RBM33: variants seen among roughly 807,000 people sequenced by gnomAD.
The protein encoded by RBM33 is RNA binding motif protein 33, also known as RNA-binding protein 33.
Under a neutral mutation model 132.6 loss-of-function variants are expected in RBM33, and 28 were observed. The ratio of observed to expected loss-of-function variants is 0.21; its 90% confidence interval spans 0.16 to 0.29. The LOEUF (loss-of-function observed/expected upper bound fraction) is 0.29. RBM33 is among the 10% of genes least tolerant of loss of function. The pLI is 1.00. For synonymous variants in RBM33, 634 were observed against 593.0 expected (o/e 1.07, Z -1.01); for missense variants, 1,291 against 1,518.5 (o/e 0.85, Z 2.49).
intron 9 of RBM33, among the ~76,000 whole-genome samples, chr7:155,718,865 A>G (rs1800542410): frequency 1.3e-5 from 2 of 152,156 alleles, no homozygotes; most frequent in South Asian, 2.1e-4. Context: ...ATTTTAAAAG[A>G]ACCTCTAGGG....
At chr7:155,770,316 C>T (rs2117080079) in intron 16 of RBM33, among the ~76,000 whole-genome samples, 1 of 152,358 alleles carries the variant, frequency 6.6e-6, no homozygotes, top group African/African-American at 2.4e-5. Context: ...GTGCAGGCTT[C>T]AGGCGCCCTA....
chr7:155,735,036 G>T (rs1026249983), intron 9 of RBM33, among the ~76,000 whole-genome samples: 1 of 152,188 alleles, frequency 6.6e-6, no homozygotes, highest in Non-Finnish European at 1.5e-5. Context: ...GGATGAGGCC[G>T]CTGTAAGTTG....
Position 155,648,484 on chromosome 7 carries a change from C to T in RBM33, c.43+3565C>T, listed in dbSNP as rs571574056. 3.4e-3 allele frequency among the ~76,000 whole-genome samples: 518 copies of T among 152,092 alleles called. 1 individual carries two copies. The highest frequency in any genetic ancestry group is 9.1e-3 in the South Asian group (44 of 4,828). ...AAGCATGGTGCAGAAGGTTTTCATT[C>T]GAAATTGTGAAAGTGAAACAAGTTT... is the stretch of plus-strand genomic sequence containing the variant. On this transcript the variant is annotated intron_variant, in intron 1 of 17. Coordinates refer to ENST00000401878, the MANE Select transcript of RBM33 (RefSeq NM_053043.3).
At chr7:155,739,649 AT>A (rs1378253979) in intron 11 of RBM33, 65 bp from the exon 12 acceptor site, 4 of 1,449,174 alleles carry the variant, frequency 2.8e-6, no homozygotes, top group Non-Finnish European at 3.6e-6. Flanking sequence ...TTAGGAAATG[AT>A]TGAAGTGATT....
At chr7:155,740,615 TGTC>T (rs1402557921) in intron 12 of RBM33, among the ~76,000 whole-genome samples, 2 of 152,236 alleles carry the variant, frequency 1.3e-5, no homozygotes, top group African/African-American at 4.8e-5. Context: ...ATGTGTGACT[TGTC>T]GTGCATTAAA....
intron 1 of RBM33, among the ~76,000 whole-genome samples, chr7:155,661,597 G>T (rs1486975671): frequency 1.3e-5 from 2 of 151,450 alleles, no homozygotes; most frequent in Admixed American, 1.3e-4. Context: ...TAGTAGAGAC[G>T]GAGTTTCGCC....
rs764694375 is a variant in RBM33 at position 155,680,836 on chromosome 7, G to C, written c.495G>C (p.Glu165Asp). The C allele has an allele frequency of 1.6e-5, 26 of 1,613,768 alleles. No individual in the cohort carries two copies. The Middle Eastern group carries it at 8.2e-4, about 51-fold the overall frequency. Residue 165 changes from glutamate to aspartate, a missense_variant, in exon 5 of 18, where the codon GAG becomes GAC. Transcript: ENST00000401878. ...AAGACCAAATAGAATATGTGGAAGA[G>C]CCAGAGGAGGAGCAGCTTTACACTG... ...LTEDQIEYVE[E>D]PEEEQLYTDE...
At chr7:155,658,820 C>T (rs1228210614) in intron 1 of RBM33, among the ~76,000 whole-genome samples, 2 of 152,232 alleles carry the variant, frequency 1.3e-5, no homozygotes, top group African/African-American at 4.8e-5. Context: ...CTGTTGGAAG[C>T]AACCGTTTTG....
intron 5 of RBM33, among the ~76,000 whole-genome samples, chr7:155,682,182 A>G (rs1488621524): frequency 6.6e-6 from 1 of 152,154 alleles, no homozygotes; most frequent in Admixed American, 6.5e-5. Context: ...CGTCCTCCCA[A>G]AGTGCTGGGA....
chr7:155,673,766 G>GCACACACACACACACA (rs776340484), intron 3 of RBM33, among the ~76,000 whole-genome samples: 9 of 120,304 alleles, frequency 7.5e-5, no homozygotes, highest in South Asian at 4.9e-4. Flanking sequence ...GCGCGCATGC[G>GCACACACACACACACA]CGCACACACA....
At chr7:155,652,192 A>G (rs1798373586) in intron 1 of RBM33, among the ~76,000 whole-genome samples, 1 of 152,208 alleles carries the variant, frequency 6.6e-6, no homozygotes, top group African/African-American at 2.4e-5. Flanking sequence ...AAGAAGGTTG[A>G]GAACCTTTGG....
chr7:155,763,680 T>C lies in RBM33; in HGVS notation c.2980-132T>C. The C allele has an allele frequency of 7.5e-6, 6 of 798,660 alleles. No individual in the cohort carries two copies. In the South Asian group the frequency reaches 9.2e-5, roughly 12 times the overall value. 49.5% of individuals were successfully genotyped at this position (798,660 alleles called of 1,614,324 possible). On this transcript the variant is annotated intron_variant, in intron 14 of 17. Transcript: ENST00000401878. ...TTACTGGCTCTAGTGAAATGACAAG[T>C]TTCGAGTCACACTTGTTTGAAATGG...
At chr7:155,737,307 T>G (rs1285460712) in intron 9 of RBM33, among the ~76,000 whole-genome samples, 3 of 149,824 alleles carry the variant, frequency 2.0e-5, no homozygotes, top group African/African-American at 7.5e-5. Flanking sequence ...TGGAATCACC[T>G]AAGGATGCGT....
At chr7:155,770,393 A>T (rs1406462154) in intron 16 of RBM33, among the ~76,000 whole-genome samples, 1 of 152,168 alleles carries the variant, frequency 6.6e-6, no homozygotes, top group African/African-American at 2.4e-5. Context: ...CCAGTCCTGC[A>T]CACCGTTCCA....
chr7:155,664,094 A>C (rs1000189338), intron 1 of RBM33, among the ~76,000 whole-genome samples: 4 of 152,198 alleles, frequency 2.6e-5, no homozygotes, highest in Non-Finnish European at 5.9e-5. Flanking sequence ...TACTTGCCAC[A>C]CATGGCACCA....
chr7:155,763,489 G>C (rs985425184), intron 14 of RBM33, among the ~76,000 whole-genome samples: 1 of 152,244 alleles, frequency 6.6e-6, no homozygotes, highest in Non-Finnish European at 1.5e-5. Context: ...GTGAAAATGC[G>C]TGTTGGATAT....
At position 155,644,790 on chromosome 7, in the gene RBM33, C is replaced by A; in HGVS notation, c.-87C>A. ...GCAGCCCCCTCCCTTCTCTGTCCTCCGTCACCCGTACCCGGGCCCGGACCA... is the reference window on the plus strand; with the variant it reads ...GCAGCCCCCTCCCTTCTCTGTCCTCAGTCACCCGTACCCGGGCCCGGACCA... On this transcript the variant is annotated 5_prime_UTR_variant, in exon 1 of 18. Transcript: ENST00000401878. The A allele has an allele frequency of 8.5e-7, 1 of 1,179,950 alleles. No homozygotes were observed. Among genetic ancestry groups the A allele is most frequent in the Non-Finnish European group, 1.1e-6 (1 of 883,402 alleles). 73.1% of individuals were successfully genotyped at this position (1,179,950 alleles called of 1,614,324 possible).
At chr7:155,766,755 A>G (rs1261125982) in intron 16 of RBM33, 100 bp downstream of exon 16, 5 of 1,114,476 alleles carry the variant, frequency 4.5e-6, no homozygotes, top group Non-Finnish European at 6.6e-6. Context: ...TGGCTACTTC[A>G]TATTAAAATA....
At chr7:155,703,063 C>T (rs1217135410) in intron 6 of RBM33, among the ~76,000 whole-genome samples, 1 of 152,022 alleles carries the variant, frequency 6.6e-6, no homozygotes. Flanking sequence ...TTTCCAGCTG[C>T]GTTATCTCAT....
Sources: allele counts gnomAD v4.1 joint callset (sites outside exome capture counted in the v4.1 genomes callset), GRCh38; gene constraint gnomAD v4.1.1; transcripts MANE v1.5; gene names NCBI Gene and HGNC (gene_info 2026-07-23, HGNC 2026-07-21).